The following GBF1 variants were observed in gnomAD, a reference collection of about 807,000 sequenced individuals.
GBF1 encodes Golgi-specific brefeldin A-resistance guanine nucleotide exchange factor 1.
In GBF1, 114 loss-of-function variants were observed where a neutral mutation model predicts 210.5. The ratio of observed to expected loss-of-function variants is 0.54; its 90% confidence interval spans 0.47 to 0.63. The LOEUF (loss-of-function observed/expected upper bound fraction) is 0.63. Among genes scored for constraint, GBF1 ranks in the 30% least tolerant of loss-of-function variants. The probability of loss-of-function intolerance (pLI) is 0.00; values close to 1 mark genes in which losing one functional copy is unlikely to be tolerated. For missense variants in GBF1, 1,851 were observed against 2,357.7 expected, an observed-to-expected ratio of 0.79 and a Z score of 4.45; for synonymous variants, 850 against 889.2, an observed-to-expected ratio of 0.96 and a Z score of 0.78.
chr10:102,247,691 T>G (rs2071017773), intron 1 of GBF1, among the ~76,000 whole-genome samples: 1 of 152,170 alleles, frequency 6.6e-6, no homozygotes, highest in Non-Finnish European at 1.5e-5. Context: ...AGGAATAATT[T>G]TCTAGATAGG....
intron 34 of GBF1, 23 bp downstream of exon 34, chr10:102,379,457 AG>A: frequency 6.2e-7 from 1 of 1,614,026 alleles, no homozygotes; most frequent in Non-Finnish European, 8.5e-7. Context: ...GGGCAGAGGT[AG>A]GGAGTTTGGG....
At chr10:102,278,375 C>T (rs2075186233) in intron 3 of GBF1, among the ~76,000 whole-genome samples, 1 of 152,106 alleles carries the variant, frequency 6.6e-6, no homozygotes, top group Non-Finnish European at 1.5e-5. Context: ...GAACTCCCAG[C>T]CTCAACTGGT....
At chr10:102,297,488 T>A (rs2077003009) in intron 3 of GBF1, among the ~76,000 whole-genome samples, 1 of 152,240 alleles carries the variant, frequency 6.6e-6, no homozygotes, top group Non-Finnish European at 1.5e-5. Flanking sequence ...TAGCAAAGAT[T>A]CACATAGCAA....
intron 3 of GBF1, among the ~76,000 whole-genome samples, chr10:102,281,944 T>C (rs76114675): frequency 6.6e-6 from 1 of 150,544 alleles, no homozygotes; most frequent in South Asian, 2.1e-4. Context: ...TTTTTTTTTT[T>C]GAGACAGAGT....
At position 102,367,472 on chromosome 10, in the gene GBF1, C is replaced by G. The variant is rs1431141992; in HGVS notation, c.2560-6C>G. On this transcript the variant is annotated splice_polypyrimidine_tract_variant and splice_region_variant and intron_variant, in intron 20 of 39. Coordinates refer to ENST00000369983, the MANE Select transcript of GBF1 (RefSeq NM_001377137.1). ...AAGGGGAAAAAACTTACTGGCCTGT[C>G]TCTAGGAGTTTCGCAAAAATCTGAA... 1.3e-6 allele frequency: 2 copies of G among 1,590,372 alleles called. No individual in the cohort carries two copies. The highest frequency in any genetic ancestry group is 1.7e-6 in the Non-Finnish European group (2 of 1,158,294).
At position 102,382,565 on chromosome 10, in the gene GBF1, G is replaced by A. The variant is rs1443150127; in HGVS notation, c.*229G>A. 8 of 492,154 alleles carry A rather than the reference G, an allele frequency of 1.6e-5. No homozygotes were observed. The highest frequency in any genetic ancestry group is 2.5e-5 in the Non-Finnish European group (7 of 280,484). The allele number at this position is 492,154 out of a possible 1,614,324, so 30.5% of individuals were successfully genotyped here. On this transcript the variant is annotated 3_prime_UTR_variant, in exon 40 of 40. Transcript: ENST00000369983. ...CCATTCCTGGGGGTTCAGCCTGAGAGTGAACTCAGCTGTCATCTGCAGCCT... is the reference window on the plus strand; with the variant it reads ...CCATTCCTGGGGGTTCAGCCTGAGAATGAACTCAGCTGTCATCTGCAGCCT...
At chr10:102,369,439 T>C (rs1269809618) in intron 24 of GBF1, 52 bp downstream of exon 24, 1 of 1,369,926 alleles carries the variant, frequency 7.3e-7, no homozygotes, top group Non-Finnish European at 1.0e-6. Context: ...AGCTGCAACA[T>C]TGTATGCTAC....
chr10:102,239,925 C>G, the GBF1 span, among the ~76,000 whole-genome samples: 2 of 152,336 alleles, frequency 1.3e-5, no homozygotes, highest in African/African-American at 4.8e-5. Context: ...CTGAGAGGGC[C>G]AGATAGCCCC....
intron 3 of GBF1, among the ~76,000 whole-genome samples, chr10:102,293,764 G>GTTTTATTTTTTTT (rs1263151407): frequency 3.9e-5 from 2 of 50,888 alleles, no homozygotes; most frequent in African/African-American, 5.7e-5. Context: ...GCTGTAGTAT[G>GTTTTATTTTTTTT]TTTTGTGTTT....
At chr10:102,374,682 T>G (rs1407792287) in intron 29 of GBF1, among the ~76,000 whole-genome samples, 1 of 152,160 alleles carries the variant, frequency 6.6e-6, no homozygotes, top group African/African-American at 2.4e-5. Context: ...GTAATAAAAT[T>G]GTATAGAAAT....
chr10:102,370,804 G>T lies in GBF1; in HGVS notation c.3604G>T (p.Val1202Leu), dbSNP rs199813163. ...CTGCTTCCTTGTGGAGCGGGCAGTG[G>T]TGGGGTTGCTACGCCTGGCCATTCG... ...DFCFLVERAV[V>L]GLLRLAIRLL... Residue 1202 changes from valine (V) to leucine (L), a missense_variant, in exon 29 of 40, where the codon GTG (valine) becomes TTG (leucine). By Grantham distance (32) the Val-to-Leu change is conservative (BLOSUM62 1). Around this residue, in one of 3 missense-constraint regions of GBF1, gnomAD observed 967 missense variants for 1,247.7 expected, o/e 0.78. Transcript: ENST00000369983. 234 of 1,614,028 alleles carry T rather than the reference G, an allele frequency of 1.4e-4. No homozygotes were observed. Among genetic ancestry groups the T allele is most frequent in the Middle Eastern group, 1.6e-4 (1 of 6,084 alleles).
chr10:102,341,156 C>T (rs571458174), intron 3 of GBF1, among the ~76,000 whole-genome samples: 1 of 152,254 alleles, frequency 6.6e-6, no homozygotes, highest in South Asian at 2.1e-4. Flanking sequence ...CTTGAGCAGA[C>T]ATGTCACCCA....
At chr10:102,244,890 G>A (rs1219593284), upstream of GBF1, among the ~76,000 whole-genome samples, 1 of 152,122 alleles carries the variant, frequency 6.6e-6, no homozygotes, top group African/African-American at 2.4e-5. Context: ...CTTCTGCTAC[G>A]TCCCATTTTC....
At chr10:102,308,697 G>A (rs1487975959) in intron 3 of GBF1, among the ~76,000 whole-genome samples, 1 of 149,520 alleles carries the variant, frequency 6.7e-6, no homozygotes, top group Non-Finnish European at 1.5e-5. Context: ...GACACAGGAA[G>A]GGGAACATCA....
chr10:102,380,063 C>G (rs2060747451), intron 36 of GBF1, 109 bp downstream of exon 36: 1 of 786,184 alleles, frequency 1.3e-6, no homozygotes, highest in South Asian at 1.5e-5. Context: ...GTGCTCACAA[C>G]CCCCCAGCTA....
At chr10:102,275,893 C>T (rs2074912293) in intron 3 of GBF1, among the ~76,000 whole-genome samples, 1 of 152,140 alleles carries the variant, frequency 6.6e-6, no homozygotes, top group African/African-American at 2.4e-5. Context: ...ATTAATCCTC[C>T]CAAGTGAGCC....
upstream of GBF1, among the ~76,000 whole-genome samples, chr10:102,244,810 G>C (rs1015085786): frequency 2.0e-5 from 3 of 152,124 alleles, no homozygotes; most frequent in Non-Finnish European, 4.4e-5. Context: ...TGTGAACATG[G>C]GCCCAGCCTT....
At chr10:102,239,397 A>G in the GBF1 span, among the ~76,000 whole-genome samples, 1 of 152,356 alleles carries the variant, frequency 6.6e-6, no homozygotes, top group East Asian at 1.9e-4. Context: ...CCTGACACAG[A>G]GTCCTTCATT....
Position 102,377,093 on chromosome 10 carries a change from G to C in GBF1, c.4447G>C (p.Gly1483Arg), listed in dbSNP as rs770505691. 1.9e-6 allele frequency: 3 copies of C among 1,614,162 alleles called. No individual in the cohort carries two copies. In the South Asian group the frequency reaches 3.3e-5, roughly 18 times the overall value. ...GGQSDDDEDE[G>R]VPASYHTVSL... Reference sequence around the variant, plus strand: ...GCAGAGTGATGATGATGAGGACGAAGGCGTGCCTGCCAGCTACCATACGGT... The same window carrying C: ...GCAGAGTGATGATGATGAGGACGAACGCGTGCCTGCCAGCTACCATACGGT... The change falls in exon 33 of 40, where the codon GGC becomes CGC. Residue 1483 changes from glycine to arginine, a missense_variant. Coordinates refer to ENST00000369983, the MANE Select transcript of GBF1 (RefSeq NM_001377137.1).
Sources: gnomAD v4.1 joint callset for allele counts (sites outside exome capture counted in the v4.1 genomes callset) on GRCh38, gnomAD v4.1.1 for gene constraint, gnomAD v4.1.1 regional missense constraint, MANE v1.5 for transcripts, NCBI Gene and HGNC (gene_info 2026-07-23, HGNC 2026-07-21) for gene names.